Variants in GULP1 observed in about 807,000 individuals in gnomAD.
The protein encoded by GULP1 is GULP PTB domain containing engulfment adaptor 1, also known as PTB domain-containing engulfment adapter protein 1.
GULP1 carries 19 observed loss-of-function variants against 40.9 expected under a neutral mutation model. The observed-to-expected ratio is 0.46, with a 90% CI of 0.32 to 0.68. GULP1 has a LOEUF of 0.68. GULP1 is among the 30% of genes least tolerant of loss of function. The pLI, the probability that GULP1 is intolerant of heterozygous loss-of-function variation, is 0.03. For synonymous variants in GULP1, 119 were observed against 117.6 expected (o/e 1.01, Z -0.08); for missense variants, 312 against 362.2 (o/e 0.86, Z 1.12).
At chr2:188,547,131 A>G (rs1692171689) in intron 7 of GULP1, among the ~76,000 whole-genome samples, 2 of 151,972 alleles carry the variant, frequency 1.3e-5, no homozygotes, top group Admixed American at 1.3e-4. Context: ...AACAGGAATT[A>G]ATGCTATTCT....
At chr2:188,495,198 A>G (rs2062785586) in intron 4 of GULP1, among the ~76,000 whole-genome samples, 1 of 152,058 alleles carries the variant, frequency 6.6e-6, no homozygotes, top group Admixed American at 6.6e-5. Flanking sequence ...TGGTCAATTA[A>G]TGGGTCCATC....
chr2:188,505,682 G>T (rs542226359), intron 4 of GULP1, among the ~76,000 whole-genome samples: 4 of 151,866 alleles, frequency 2.6e-5, no homozygotes, highest in Admixed American at 2.6e-4. Context: ...AATTATCAGT[G>T]CACAGTCCTA....
At chr2:188,373,736 A>G (rs2047924929) in intron 1 of GULP1, among the ~76,000 whole-genome samples, 1 of 152,022 alleles carries the variant, frequency 6.6e-6, no homozygotes, top group South Asian at 2.1e-4. Context: ...TTATTAGAGT[A>G]GAATTGAATT....
rs1253535024 is a variant in GULP1 at position 188,383,796 on chromosome 2, G to T, written c.-138G>T. Reference sequence around the variant, plus strand: ...GATTCCATCTGATATACATAGGAGAGAAACTGATAGAAGAATTCTGATGGC... The same window carrying T: ...GATTCCATCTGATATACATAGGAGATAAACTGATAGAAGAATTCTGATGGC... On this transcript the variant is annotated 5_prime_UTR_variant, in exon 2 of 12. The change creates a premature stop within an existing upstream ORF in the 5' untranslated region. Transcript: ENST00000409830. 2.0e-5 allele frequency: 3 copies of T among 152,094 alleles called. No individual in the cohort carries two copies. The allele number at this position is 152,094 out of a possible 1,614,324, so 9.4% of individuals were successfully genotyped here.
chr2:188,367,139 G>A (rs1430222738), intron 1 of GULP1, among the ~76,000 whole-genome samples: 1 of 152,108 alleles, frequency 6.6e-6, no homozygotes, highest in Non-Finnish European at 1.5e-5. Context: ...TGTTCATGTT[G>A]TTTCACTACC....
At chr2:188,298,954 AGACAAGGGAGGAGAAGGG>A (rs2035580667) in intron 1 of GULP1, among the ~76,000 whole-genome samples, 2 of 152,196 alleles carry the variant, frequency 1.3e-5, no homozygotes, top group South Asian at 4.1e-4. Flanking sequence ...AGAGCACACC[AGACAAGGGAGGAGAAGGG>A]GATCTTACTA....
chr2:188,328,376 A>G (rs1227670266), intron 1 of GULP1, among the ~76,000 whole-genome samples: 1 of 152,058 alleles, frequency 6.6e-6, no homozygotes, highest in Non-Finnish European at 1.5e-5. Flanking sequence ...TGAAACTGGG[A>G]GTGGATGGGG....
Position 188,399,706 on chromosome 2 carries a change from A to AC in GULP1, c.-45+15817_-45+15818insC, listed in dbSNP as rs1416885213. 2.7e-5 allele frequency among the ~76,000 whole-genome samples: 4 copies of AC among 150,056 alleles called. 1 individual carries two copies. Among genetic ancestry groups the AC allele is most frequent in the East Asian group, 2.0e-4 (1 of 5,102 alleles). ...TCCCTACAAGAAAAAAAAAAAAAAA[A>AC]AAAAAAAACATCAAACTGTAATAAC... is the stretch of plus-strand genomic sequence containing the variant. On this transcript the variant is annotated intron_variant, in intron 2 of 11. Coordinates refer to ENST00000409830, the MANE Select transcript of GULP1 (RefSeq NM_016315.4).
chr2:188,333,418 C>G lies in GULP1; in HGVS notation c.-172+41252C>G, dbSNP rs2041881185. Among the ~76,000 whole-genome samples the G allele has an allele frequency of 2.0e-5, 3 of 152,062 alleles. No homozygotes were observed. The South Asian group carries it at 6.2e-4, about 32-fold the overall frequency. ...CAATATTTTGGGCAAATATCTCTTACTAAGTAAGAGGCAATTGGTTTAGGC... is the reference window on the plus strand; with the variant it reads ...CAATATTTTGGGCAAATATCTCTTAGTAAGTAAGAGGCAATTGGTTTAGGC... On this transcript the variant is annotated intron_variant, in intron 1 of 11. Coordinates refer to ENST00000409830, the MANE Select transcript of GULP1 (RefSeq NM_016315.4).
chr2:188,487,145 G>C (rs184510236), intron 4 of GULP1, among the ~76,000 whole-genome samples: 2 of 151,978 alleles, frequency 1.3e-5, no homozygotes, highest in Admixed American at 1.3e-4. Context: ...ATAAAATGCT[G>C]GCAGACTTGT....
intron 4 of GULP1, among the ~76,000 whole-genome samples, chr2:188,512,796 A>G (rs1310335791): frequency 6.6e-6 from 1 of 152,140 alleles, no homozygotes; most frequent in Admixed American, 6.5e-5. Context: ...CAGTGAAAGA[A>G]TGGAAGAAAT....
chr2:188,523,214 G>A (rs1413290489), intron 5 of GULP1, among the ~76,000 whole-genome samples: 1 of 152,138 alleles, frequency 6.6e-6, no homozygotes, highest in Non-Finnish European at 1.5e-5. Context: ...ATATCCACCA[G>A]TTAAAAATGT....
chr2:188,436,728 T>C (rs1003857406), intron 2 of GULP1, among the ~76,000 whole-genome samples: 5 of 152,106 alleles, frequency 3.3e-5, no homozygotes, highest in African/African-American at 1.2e-4. Flanking sequence ...ATACATATAG[T>C]TTTAAATTGA....
At chr2:188,592,388 G>A (rs1703738690) in intron 11 of GULP1, 1 of 151,778 alleles carries the variant, frequency 6.6e-6, no homozygotes, top group African/African-American at 2.4e-5. Flanking sequence ...TTAAAGAAAA[G>A]TTTACTTACA....
At chr2:188,368,848 T>A (rs2047155151) in intron 1 of GULP1, among the ~76,000 whole-genome samples, 1 of 148,208 alleles carries the variant, frequency 6.7e-6, no homozygotes, top group East Asian at 2.0e-4. Context: ...AACAAATTTA[T>A]GTGGCCTTTT....
chr2:188,367,860 G>A (rs542388021), intron 1 of GULP1, among the ~76,000 whole-genome samples: 10 of 152,264 alleles, frequency 6.6e-5, no homozygotes, highest in Admixed American at 4.6e-4. Flanking sequence ...TCTCTTGCCT[G>A]AAGTGTTTTG....
At chr2:188,343,378 T>G (rs2043214775) in intron 1 of GULP1, among the ~76,000 whole-genome samples, 1 of 152,284 alleles carries the variant, frequency 6.6e-6, no homozygotes, top group Admixed American at 6.5e-5. Flanking sequence ...TTAAAATGTT[T>G]GATTTTAGAC....
chr2:188,531,564 G>T lies in GULP1; in HGVS notation c.261+2369G>T, dbSNP rs375860988. Among the ~76,000 whole-genome samples, 4 of 152,164 alleles carry T rather than the reference G, an allele frequency of 2.6e-5. No individual in the cohort carries two copies. In the East Asian group the frequency reaches 7.7e-4, roughly 29 times the overall value. ...ATTCAATTACAAACAAAGATGTGAA[G>T]ATTTACTTTAGTTACGGCGATTCTA... On this transcript the variant is annotated intron_variant, in intron 6 of 11. Transcript: ENST00000409830.
intron 7 of GULP1, chr2:188,541,701 C>T: frequency 2.9e-6 from 1 of 343,862 alleles, no homozygotes; most frequent in Non-Finnish European, 5.2e-6. Context: ...CCCACATGTG[C>T]AGAATATGAT....
Sources: allele counts gnomAD v4.1 joint callset (sites outside exome capture counted in the v4.1 genomes callset), GRCh38; gene constraint gnomAD v4.1.1; transcripts MANE v1.5; gene names NCBI Gene and HGNC (gene_info 2026-07-23, HGNC 2026-07-21).